Variants in RBM46 observed in about 807,000 individuals in gnomAD.
The protein encoded by RBM46 is RNA binding motif protein 46.
Under a neutral mutation model 43.3 loss-of-function variants are expected in RBM46, and 12 were observed. The observed-to-expected ratio is 0.28, with a 90% CI of 0.18 to 0.45. RBM46 has a LOEUF of 0.45. Among genes scored for constraint, RBM46 ranks in the 20% least tolerant of loss-of-function variants. RBM46 has a pLI of 1.00. For missense variants in RBM46, 412 were observed against 639.1 expected (o/e 0.64, Z 3.83); for synonymous variants, 205 against 207.6 (o/e 0.99, Z 0.11).
chr4:154,813,115 A>G (rs1735262602), intron 4 of RBM46, among the ~76,000 whole-genome samples: 2 of 152,176 alleles, frequency 1.3e-5, no homozygotes, highest in Non-Finnish European at 2.9e-5. Context: ...AAAGCAATCT[A>G]CATGCTATAA....
At chr4:154,798,452 GTAAAA>G in intron 3 of RBM46, among the ~76,000 whole-genome samples, 174 bp downstream of exon 3, 1 of 152,284 alleles carries the variant, frequency 6.6e-6, no homozygotes, top group South Asian at 2.1e-4. Flanking sequence ...AATTGTTCCA[GTAAAA>G]TGAGTCCTAT....
intron 4 of RBM46, among the ~76,000 whole-genome samples, chr4:154,801,979 A>G (rs184439268): frequency 7.9e-5 from 12 of 152,350 alleles, no homozygotes; most frequent in African/African-American, 2.6e-4. Flanking sequence ...CCTTGTATCA[A>G]TGCTGATTTT....
In RBM46 at chr4:154,799,292, A is replaced by G; in HGVS notation, c.1130A>G (p.Lys377Arg). 8 of 1,614,198 alleles carry G rather than the reference A, an allele frequency of 5.0e-6. No homozygotes were observed. Among genetic ancestry groups the G allele is most frequent in the Non-Finnish European group, 6.8e-6 (8 of 1,180,038 alleles). ...RCTYPFYPGT[K>R]LTPISMYSLK... ...ACTTACCCTTTTTATCCTGGAACAAAGCTTACTCCAATTAGTATGTATTCT... is the reference window on the plus strand; with the variant it reads ...ACTTACCCTTTTTATCCTGGAACAAGGCTTACTCCAATTAGTATGTATTCT... Residue 377 changes from lysine (K) to arginine (R), a missense_variant, in exon 4 of 5, where the codon AAG becomes AGG. This residue lies in a region of RBM46 where 105 missense variants were observed against 111.0 expected (regional missense o/e 0.95). Coordinates refer to ENST00000281722, the MANE Select transcript of RBM46 (RefSeq NM_144979.5).
At chr4:154,807,930 A>G (rs1337360568) in intron 4 of RBM46, among the ~76,000 whole-genome samples, 1 of 152,016 alleles carries the variant, frequency 6.6e-6, no homozygotes, top group African/African-American at 2.4e-5. Flanking sequence ...AATTTTATGT[A>G]CACAATAGTT....
intron 1 of RBM46, among the ~76,000 whole-genome samples, chr4:154,794,075 T>C (rs1038217051): frequency 2.0e-5 from 3 of 152,162 alleles, no homozygotes; most frequent in African/African-American, 7.2e-5. Flanking sequence ...TTCTGTTGGA[T>C]GTACTTCAAA....
At chr4:154,802,982 T>C (rs1734712215) in intron 4 of RBM46, among the ~76,000 whole-genome samples, 1 of 152,140 alleles carries the variant, frequency 6.6e-6, no homozygotes, top group Admixed American at 6.5e-5. Flanking sequence ...ACCACTTCTA[T>C]TTCCCAAGTT....
chr4:154,826,719 T>TG (rs1560917927), intron 4 of RBM46: 1 of 1,149,776 alleles, frequency 8.7e-7, no homozygotes. Flanking sequence ...AAACCTATAT[T>TG]TAACTGATTT....
intron 4 of RBM46, among the ~76,000 whole-genome samples, chr4:154,823,787 G>T (rs914856616): frequency 2.6e-5 from 4 of 151,892 alleles, no homozygotes; most frequent in African/African-American, 9.7e-5. Flanking sequence ...ACATAAACAG[G>T]CCTGACAAGT....
At chr4:154,784,241 G>A (rs1733649307) in intron 1 of RBM46, among the ~76,000 whole-genome samples, 1 of 152,086 alleles carries the variant, frequency 6.6e-6, no homozygotes, top group African/African-American at 2.4e-5. Context: ...AATTTTTACA[G>A]TAACTTGGAA....
chr4:154,807,563 C>T (rs1734967340), intron 4 of RBM46, among the ~76,000 whole-genome samples: 1 of 151,774 alleles, frequency 6.6e-6, no homozygotes, highest in African/African-American at 2.4e-5. Context: ...CTTTAAAATT[C>T]AGTGTTTCTT....
intron 4 of RBM46, among the ~76,000 whole-genome samples, chr4:154,811,068 T>C (rs1447990626): frequency 1.3e-5 from 2 of 152,224 alleles, no homozygotes; most frequent in African/African-American, 4.8e-5. Flanking sequence ...GCTGCTTTCA[T>C]AGACCTTACA....
chr4:154,827,047 G>T, intron 4 of RBM46: 1 of 1,195,080 alleles, frequency 8.4e-7, no homozygotes, highest in Non-Finnish European at 1.0e-6. Context: ...TTGAGTTTTT[G>T]GAAGGTACAG....
intron 4 of RBM46, among the ~76,000 whole-genome samples, chr4:154,814,360 G>T (rs1412440602): frequency 6.6e-6 from 1 of 151,826 alleles, no homozygotes; most frequent in Admixed American, 6.6e-5. Context: ...AACAGTTGTT[G>T]CTTTTTAAAA....
At chr4:154,801,102 C>T (rs1734614579) in intron 4 of RBM46, among the ~76,000 whole-genome samples, 2 of 151,910 alleles carry the variant, frequency 1.3e-5, no homozygotes, top group Non-Finnish European at 2.9e-5. Flanking sequence ...CCTCAGCCTC[C>T]TGAGTAGCTG....
intron 4 of RBM46, among the ~76,000 whole-genome samples, chr4:154,806,964 T>C (rs1734936891): frequency 6.6e-6 from 1 of 151,836 alleles, no homozygotes; most frequent in Admixed American, 6.6e-5. Context: ...TGATCATGCT[T>C]GATTCTTTAC....
At chr4:154,815,049 T>C (rs1218605977) in intron 4 of RBM46, among the ~76,000 whole-genome samples, 1 of 152,048 alleles carries the variant, frequency 6.6e-6, no homozygotes, top group Non-Finnish European at 1.5e-5. Context: ...AGGCCACTCC[T>C]CTGACTTATT....
rs1167649437 is a variant in RBM46 at position 154,799,408 on chromosome 4, TCAA to T, written c.1253_1255del (p.Thr418del). On this transcript the variant is annotated inframe_deletion, in exon 4 of 5. Coordinates refer to ENST00000281722, the MANE Select transcript of RBM46 (RefSeq NM_144979.5). ...GGCACCACCAGAATATTATTTATAT[TCAA>T]CAACAAGTCAAGATGGGAAAGTACT... The T allele has an allele frequency of 9.9e-6, 16 of 1,613,996 alleles. No homozygotes were observed. Among genetic ancestry groups the T allele is most frequent in the Non-Finnish European group, 1.3e-5 (15 of 1,180,032 alleles).
At chr4:154,794,296 T>C (rs1734242608) in intron 1 of RBM46, among the ~76,000 whole-genome samples, 1 of 150,456 alleles carries the variant, frequency 6.6e-6, no homozygotes, top group African/African-American at 2.5e-5. Flanking sequence ...TTCTCCTGCC[T>C]CAGCCTCCTG....
intron 4 of RBM46, chr4:154,826,738 CCTTT>C: frequency 2.0e-6 from 2 of 998,976 alleles, no homozygotes; most frequent in Non-Finnish European, 2.8e-6. Flanking sequence ...TTTCATTTTT[CCTTT>C]TTTTTTTTTT....
Sources: gnomAD v4.1 joint callset for allele counts (sites outside exome capture counted in the v4.1 genomes callset) on GRCh38, gnomAD v4.1.1 for gene constraint, gnomAD v4.1.1 regional missense constraint, MANE v1.5 for transcripts, NCBI Gene and HGNC (gene_info 2026-07-23, HGNC 2026-07-21) for gene names.